The following SH3PXD2B variants were observed in gnomAD, a reference collection of about 807,000 sequenced individuals.
The protein encoded by SH3PXD2B is SH3 and PX domains 2B, also known as SH3 and PX domain-containing protein 2B.
In SH3PXD2B, 37 loss-of-function variants were observed where a neutral mutation model predicts 73.1. The observed-to-expected ratio is 0.51, with a 90% CI of 0.39 to 0.67. The LOEUF is 0.67. SH3PXD2B is among the 30% of genes least tolerant of loss of function. The probability of loss-of-function intolerance (pLI) is 0.00; values close to 1 mark genes in which losing one functional copy is unlikely to be tolerated. For synonymous variants in SH3PXD2B, 457 were observed against 480.5 expected (o/e 0.95, Z 0.64); for missense variants, 1,053 against 1,197.8 (o/e 0.88, Z 1.78).
chr5:172,432,252 C>CA (rs1759265793), intron 1 of SH3PXD2B, among the ~76,000 whole-genome samples: 1 of 152,162 alleles, frequency 6.6e-6, no homozygotes, highest in African/African-American at 2.4e-5. Flanking sequence ...AACAGCACTG[C>CA]AACTCGTGCC....
chr5:172,371,395 C>T (rs775806017), intron 6 of SH3PXD2B, among the ~76,000 whole-genome samples: 4 of 152,304 alleles, frequency 2.6e-5, no homozygotes, highest in Non-Finnish European at 4.4e-5. Flanking sequence ...AGCCAGCCAG[C>T]CAGCCATGAC....
downstream of SH3PXD2B, among the ~76,000 whole-genome samples, chr5:172,331,648 C>T (rs555503728): frequency 6.6e-6 from 1 of 152,158 alleles, no homozygotes; most frequent in East Asian, 1.9e-4. Context: ...TCATGTTTGG[C>T]GTGGTTAAAA....
chr5:172,402,381 A>G (rs1055331243), intron 3 of SH3PXD2B, among the ~76,000 whole-genome samples: 1 of 152,142 alleles, frequency 6.6e-6, no homozygotes, highest in Non-Finnish European at 1.5e-5. Flanking sequence ...CGGTCCTGTG[A>G]TCTCACCCTG....
chr5:172,360,813 C>T (rs532425962), intron 7 of SH3PXD2B, among the ~76,000 whole-genome samples: 1 of 152,292 alleles, frequency 6.6e-6, no homozygotes, highest in South Asian at 2.1e-4. Context: ...GCCGGGGCAA[C>T]AGAGTGAGTC....
At chr5:172,398,753 C>A (rs559248533) in intron 3 of SH3PXD2B, among the ~76,000 whole-genome samples, 1 of 152,318 alleles carries the variant, frequency 6.6e-6, no homozygotes, top group East Asian at 1.9e-4. Context: ...GGTATTCCAA[C>A]CTATGTGCTG....
chr5:172,454,211 C>T, intron 1 of SH3PXD2B, 67 bp downstream of exon 1: 3 of 1,398,930 alleles, frequency 2.1e-6, no homozygotes, highest in Non-Finnish European at 2.9e-6. Context: ...TTTTCCAAGC[C>T]GGGGGCCCTC....
intron 9 of SH3PXD2B, among the ~76,000 whole-genome samples, chr5:172,351,288 C>G: frequency 6.6e-6 from 1 of 152,164 alleles, no homozygotes; most frequent in East Asian, 1.9e-4. Context: ...CACCACCATG[C>G]CCAGCTATTT....
intron 12 of SH3PXD2B, among the ~76,000 whole-genome samples, chr5:172,342,835 C>T (rs968488624): frequency 6.6e-6 from 1 of 152,070 alleles, no homozygotes; most frequent in African/African-American, 2.4e-5. Context: ...AAGATGGCTG[C>T]GGGTACTTTG....
At chr5:172,442,816 G>A (rs1459273013) in intron 1 of SH3PXD2B, among the ~76,000 whole-genome samples, 1 of 151,326 alleles carries the variant, frequency 6.6e-6, no homozygotes, top group African/African-American at 2.5e-5. Flanking sequence ...GGATACTCTT[G>A]TTAGCCTCAT....
chr5:172,344,090 T>TATCATCATC lies in SH3PXD2B; in HGVS notation c.1188+2037_1188+2045dup, dbSNP rs56962923. Among the ~76,000 whole-genome samples, 10 of 151,512 alleles carry TATCATCATC rather than the reference T, an allele frequency of 6.6e-5. 1 individual carries two copies. The East Asian group carries it at 7.7e-4, about 12-fold the overall frequency. ...GTACCTGACACAGAAGAGGTGCCTA[T>TATCATCATC]ATCATCATCATCATCATCATCATCA... is the stretch of plus-strand genomic sequence containing the variant. On this transcript the variant is annotated intron_variant, in intron 12 of 12. Coordinates refer to ENST00000311601, the MANE Select transcript of SH3PXD2B (RefSeq NM_001017995.3).
chr5:172,358,771 A>G lies in SH3PXD2B; in HGVS notation c.667+2T>C, dbSNP rs963954599. 6 of 1,610,376 alleles carry G rather than the reference A, an allele frequency of 3.7e-6. No homozygotes were observed. Among genetic ancestry groups the G allele is most frequent in the East Asian group, 2.2e-5 (1 of 44,712 alleles). On this transcript the variant is annotated splice_donor_variant, in intron 8 of 12. Coordinates refer to ENST00000311601, the MANE Select transcript of SH3PXD2B (RefSeq NM_001017995.3). LOFTEE classifies it high-confidence loss of function. ...TGAGCAGAGGCTCGAGCTCCTCCCT[A>G]CCTTCTTCAGGCTGCAGAGAAAACT...
intron 2 of SH3PXD2B, among the ~76,000 whole-genome samples, chr5:172,413,040 G>C (rs899797947): frequency 1.3e-5 from 2 of 152,240 alleles, no homozygotes; most frequent in African/African-American, 4.8e-5. Context: ...CATGGAAGCT[G>C]GCCACCACAC....
At chr5:172,388,952 G>A (rs1418132198) in intron 4 of SH3PXD2B, among the ~76,000 whole-genome samples, 1 of 152,196 alleles carries the variant, frequency 6.6e-6, no homozygotes, top group East Asian at 1.9e-4. Context: ...CTTAGCCCTG[G>A]CCCTTCCTTT....
At chr5:172,426,879 C>T (rs1035120795) in intron 1 of SH3PXD2B, among the ~76,000 whole-genome samples, 16 of 152,282 alleles carry the variant, frequency 1.1e-4, no homozygotes, top group African/African-American at 2.6e-4. Context: ...AGCCTGAATC[C>T]GGGACATTTC....
chr5:172,396,500 C>T (rs1322561811), intron 3 of SH3PXD2B, among the ~76,000 whole-genome samples: 1 of 152,122 alleles, frequency 6.6e-6, no homozygotes, highest in Non-Finnish European at 1.5e-5. Flanking sequence ...GATTTGCACC[C>T]TAAAAGACCA....
intron 1 of SH3PXD2B, among the ~76,000 whole-genome samples, chr5:172,441,834 T>G (rs983654939): frequency 6.6e-6 from 1 of 152,050 alleles, no homozygotes; most frequent in Admixed American, 6.5e-5. Context: ...AGGGGTGTCA[T>G]AGGGGAGGAG....
rs1218463218 is a variant in SH3PXD2B at position 172,339,230 on chromosome 5, C to T, written c.1875G>A (p.Glu625=). 1.2e-6 allele frequency: 2 copies of T among 1,614,186 alleles called. No individual in the cohort carries two copies. The highest frequency in any genetic ancestry group is 1.7e-5 in the Admixed American group (1 of 60,026). The change falls in exon 13 of 13, where the codon GAG becomes GAA. Residue 625 remains glutamate, a synonymous_variant. Coordinates refer to ENST00000311601, the MANE Select transcript of SH3PXD2B (RefSeq NM_001017995.3). The surrounding 1 kb of genome is among the most constrained non-coding windows in gnomAD (Gnocchi z 6.1). ...GATTCTGGGGAGTGGCATCTGGCTT[C>T]TCCTCTGGCAGGTCAGTTTTGGATT... The part of the protein sequence containing the change: ...ISKSKTDLPE[E]KPDATPQNPF...
intron 12 of SH3PXD2B, among the ~76,000 whole-genome samples, chr5:172,342,897 A>T (rs949607262): frequency 1.1e-4 from 17 of 152,178 alleles, no homozygotes; most frequent in Admixed American, 7.9e-4. Context: ...CAGGACGCAA[A>T]TGCTGGGCTC....
Position 172,338,294 on chromosome 5 carries a change from AAATT to A in SH3PXD2B, c.*71_*74del. On this transcript the variant is annotated 3_prime_UTR_variant, in exon 13 of 13. Transcript: ENST00000311601. The surrounding 1 kb of genome is among the most constrained non-coding windows in gnomAD (Gnocchi z 5.1). The stretch of plus-strand genomic sequence containing the variant: ...CCTTGGAAGCTGCGTGGAGAATGAT[AAATT>A]AAGAGGCGTATTAAATACGTGGGTA... 6.2e-7 allele frequency: 1 copy of A among 1,610,916 alleles called. No individual in the cohort carries two copies. Among genetic ancestry groups the A allele is most frequent in the Non-Finnish European group, 8.5e-7 (1 of 1,179,740 alleles).
Sources: allele counts gnomAD v4.1 joint callset (sites outside exome capture counted in the v4.1 genomes callset), GRCh38; gene constraint gnomAD v4.1.1; non-coding constraint Gnocchi (gnomAD v3.1); transcripts MANE v1.5; gene names NCBI Gene and HGNC (gene_info 2026-07-23, HGNC 2026-07-21).